SMCO3: variants seen among roughly 807,000 people sequenced by gnomAD.
SMCO3 encodes single-pass membrane protein with coiled-coil domains 3, also known as single-pass membrane and coiled-coil domain-containing protein 3.
Under a neutral mutation model 12.0 loss-of-function variants are expected in SMCO3, and 6 were observed. The ratio of observed to expected loss-of-function variants is 0.50; its 90% CI spans 0.27 to 0.99. SMCO3 has a LOEUF of 0.99. Among genes scored for constraint, SMCO3 ranks in the 50% least tolerant of loss-of-function variants. The probability of loss-of-function intolerance (pLI) is 0.11; values close to 1 mark genes in which losing one functional copy is unlikely to be tolerated. For synonymous variants in SMCO3, 96 were observed against 96.4 expected (o/e 1.00, Z 0.02); for missense variants, 279 against 265.0 (o/e 1.05, Z -0.37).
intron 1 of SMCO3, among the ~76,000 whole-genome samples, chr12:14,810,944 T>C (rs575100978): frequency 6.6e-6 from 1 of 152,358 alleles, no homozygotes; most frequent in African/African-American, 2.4e-5. Context: ...AAGTGATATT[T>C]TACAAACAAC....
rs540670046 is a variant in SMCO3, at chr12:14,805,927, G to C, written c.*76C>G. ...TCCATATTGGAAGCCTATAGAAAAT[G>C]AACCTAATCAAAGAAGCAAACACTG... On this transcript the variant is annotated 3_prime_UTR_variant, in exon 2 of 2. Coordinates refer to ENST00000316048, the MANE Select transcript of SMCO3 (RefSeq NM_001013698.2). 49 of 1,395,334 alleles carry C rather than the reference G, an allele frequency of 3.5e-5. No individual in the cohort carries two copies. The African/African-American group carries it at 6.6e-4, about 19-fold the overall frequency. 86.4% of individuals were successfully genotyped at this position (1,395,334 alleles called of 1,614,324 possible).
At chr12:14,813,309 A>G (rs1950168997) in intron 1 of SMCO3, among the ~76,000 whole-genome samples, 1 of 152,226 alleles carries the variant, frequency 6.6e-6, no homozygotes, top group Non-Finnish European at 1.5e-5. Flanking sequence ...GCCATCATGC[A>G]CAGTTTCCTT....
chr12:14,806,721 T>C lies in SMCO3; in HGVS notation c.-16-25A>G, dbSNP rs750301749. On this transcript the variant is annotated intron_variant, in intron 1 of 1. Transcript: ENST00000316048. ...GCTGAAAAATAAAATGGTAAATTTT[T>C]ACTGAAAGTCTTAAAAAATGTCTGC... 3.3e-6 allele frequency: 5 copies of C among 1,535,280 alleles called. No homozygotes were observed. In the Admixed American group the frequency reaches 1.1e-4, roughly 33 times the overall value.
In SMCO3 at chr12:14,807,778, A is replaced by G. The variant is rs76734462; in HGVS notation, c.-16-1082T>C. ...TCCATTTGCAAAGCTTATAAATTAA[A>G]TTATTTAGAATAGTCTAAATAGTAT... is the stretch of plus-strand genomic sequence containing the variant. On this transcript the variant is annotated intron_variant, in intron 1 of 1. Coordinates refer to ENST00000316048, the MANE Select transcript of SMCO3 (RefSeq NM_001013698.2). 3.3e-5 allele frequency among the ~76,000 whole-genome samples: 5 copies of G among 152,342 alleles called. No homozygotes were observed. The East Asian group carries it at 9.6e-4, about 29-fold the overall frequency.
At position 14,806,711 on chromosome 12, in the gene SMCO3, G is replaced by T. The variant is rs1338989788; in HGVS notation, c.-16-15C>A. On this transcript the variant is annotated splice_polypyrimidine_tract_variant and intron_variant, in intron 1 of 1. Coordinates refer to ENST00000316048, the MANE Select transcript of SMCO3 (RefSeq NM_001013698.2). Reference sequence around the variant, plus strand: ...CAATATGATCGCTGAAAAATAAAATGGTAAATTTTTACTGAAAGTCTTAAA... The same window carrying T: ...CAATATGATCGCTGAAAAATAAAATTGTAAATTTTTACTGAAAGTCTTAAA... 2 of 1,543,066 alleles carry T rather than the reference G, an allele frequency of 1.3e-6. No homozygotes were observed. The highest frequency in any genetic ancestry group is 2.5e-5 in the South Asian group (2 of 79,184).
intron 1 of SMCO3, among the ~76,000 whole-genome samples, chr12:14,813,040 A>G (rs992612507): frequency 1.3e-5 from 2 of 152,220 alleles, no homozygotes; most frequent in Admixed American, 1.3e-4. Context: ...ATCTGGAAAG[A>G]ATAGTGGGGT....
At chr12:14,812,993 A>C (rs980012142) in intron 1 of SMCO3, among the ~76,000 whole-genome samples, 1 of 152,198 alleles carries the variant, frequency 6.6e-6, no homozygotes, top group Non-Finnish European at 1.5e-5. Context: ...AACATTTAAG[A>C]TGAAATGAAA....
In SMCO3 at chr12:14,812,306, C is replaced by T. The variant is rs555044384; in HGVS notation, c.-17+1820G>A. Among the ~76,000 whole-genome samples the T allele has an allele frequency of 7.5e-3, 1,142 of 152,112 alleles. 16 individuals carry two copies. Among genetic ancestry groups the T allele is most frequent in the African/African-American group, 0.026 (1,064 of 41,516 alleles). On this transcript the variant is annotated intron_variant, in intron 1 of 1. Coordinates refer to ENST00000316048, the MANE Select transcript of SMCO3 (RefSeq NM_001013698.2). ...AAAAATACAAAAAATTAGCCGGGCG[C>T]GGTGGCGGGCGCCTGTAGTCCCAGC... is the stretch of plus-strand genomic sequence containing the variant.
At position 14,806,268 on chromosome 12, in the gene SMCO3, G is replaced by C. The variant is rs1283058512; in HGVS notation, c.413C>G (p.Ser138Ter). The change falls in exon 2 of 2, where the codon TCA becomes TGA. Residue 138 changes from serine to a stop codon, truncating the protein, a stop_gained. Coordinates refer to ENST00000316048, the MANE Select transcript of SMCO3 (RefSeq NM_001013698.2). LOFTEE classifies it high-confidence loss of function. ...ASAVAVKLVG[S>*]NVTTGIINKL... is the part of the protein sequence containing the mutation. Reference sequence around the variant, plus strand: ...GTTAATTATGCCAGTTGTGACATTTGAGCCCACAAGTTTAACAGCGACTGC... The same window carrying C: ...GTTAATTATGCCAGTTGTGACATTTCAGCCCACAAGTTTAACAGCGACTGC... The C allele has an allele frequency of 9.9e-6, 16 of 1,614,074 alleles. No homozygotes were observed. The highest frequency in any genetic ancestry group is 1.3e-5 in the Non-Finnish European group (15 of 1,180,042).
intron 1 of SMCO3, among the ~76,000 whole-genome samples, chr12:14,812,860 C>G (rs1287713179): frequency 6.6e-6 from 1 of 152,062 alleles, no homozygotes; most frequent in Non-Finnish European, 1.5e-5. Flanking sequence ...CACCCAGATA[C>G]TGAGCATAGT....
intron 1 of SMCO3, among the ~76,000 whole-genome samples, chr12:14,810,420 A>G (rs1012979657): frequency 3.9e-5 from 6 of 152,226 alleles, no homozygotes; most frequent in Non-Finnish European, 8.8e-5. Flanking sequence ...TTAACAATTC[A>G]TCTAATAGGT....
chr12:14,806,621 A>T lies in SMCO3; in HGVS notation c.60T>A (p.Arg20=). ...ENPKRREEVN[R]LHQQLLDCLS... ...AGCAATCAAGAAGCTGCTGGTGAAG[A>T]CGATTTACTTCTTCCCGCCTTTTTG... is the stretch of plus-strand genomic sequence containing the variant. Residue 20 remains arginine (R), a synonymous_variant, in exon 2 of 2, where the codon CGT becomes CGA. Transcript: ENST00000316048. 6.2e-7 allele frequency: 1 copy of T among 1,613,528 alleles called. No individual in the cohort carries two copies. Among genetic ancestry groups the T allele is most frequent in the Non-Finnish European group, 8.5e-7 (1 of 1,179,882 alleles).
rs57839882 is a variant in SMCO3 at position 14,805,952 on chromosome 12, G to A, written c.*51C>T. ...GAACCTAATCAAAGAAGCAAACACT[G>A]TTACTGAAAAGGAAGCAGAAAAACA... is the stretch of plus-strand genomic sequence containing the variant. On this transcript the variant is annotated 3_prime_UTR_variant, in exon 2 of 2. Transcript: ENST00000316048. 1 of 1,510,186 alleles carries A rather than the reference G, an allele frequency of 6.6e-7. No homozygotes were observed. Among genetic ancestry groups the A allele is most frequent in the South Asian group, 1.3e-5 (1 of 77,220 alleles). 93.5% of individuals were successfully genotyped at this position (1,510,186 alleles called of 1,614,324 possible).
intron 1 of SMCO3, among the ~76,000 whole-genome samples, chr12:14,812,045 C>T (rs569281623): frequency 2.6e-5 from 4 of 152,126 alleles, no homozygotes; most frequent in Non-Finnish European, 5.9e-5. Flanking sequence ...TTTTGTTATT[C>T]TTTTTCAAAA....
chr12:14,808,972 T>G (rs1005095227), intron 1 of SMCO3, among the ~76,000 whole-genome samples: 2 of 152,234 alleles, frequency 1.3e-5, no homozygotes, highest in African/African-American at 4.8e-5. Context: ...ATTTTCTTTT[T>G]TCTTCTAGTA....
At chr12:14,809,362 T>G (rs1950102234) in intron 1 of SMCO3, among the ~76,000 whole-genome samples, 1 of 151,938 alleles carries the variant, frequency 6.6e-6, no homozygotes, top group Admixed American at 6.6e-5. Flanking sequence ...GTGAGCCTTA[T>G]TTTTTTTCAG....
intron 1 of SMCO3, among the ~76,000 whole-genome samples, chr12:14,808,502 T>C (rs1262934755): frequency 6.6e-6 from 1 of 152,232 alleles, no homozygotes; most frequent in Non-Finnish European, 1.5e-5. Flanking sequence ...GTATGTCTTC[T>C]AGCACTACGG....
chr12:14,813,298 T>A (rs1468410473), intron 1 of SMCO3, among the ~76,000 whole-genome samples: 1 of 152,264 alleles, frequency 6.6e-6, no homozygotes, highest in African/African-American at 2.4e-5. Context: ...AACAGGGTTT[T>A]GCCATCATGC....
Position 14,811,929 on chromosome 12 carries a change from C to T in SMCO3, c.-17+2197G>A, listed in dbSNP as rs143936739. Among the ~76,000 whole-genome samples, 176 of 152,204 alleles carry T rather than the reference C, an allele frequency of 1.2e-3. 1 individual carries two copies. The highest frequency in any genetic ancestry group is 2.3e-3 in the South Asian group (11 of 4,826). On this transcript the variant is annotated intron_variant, in intron 1 of 1. Coordinates refer to ENST00000316048, the MANE Select transcript of SMCO3 (RefSeq NM_001013698.2). ...ACATTATGGAGAAATTAAAAGTGAA[C>T]GGTTTGGTAAAACGATTTTTAAATA...
Sources: allele counts gnomAD v4.1 joint callset (sites outside exome capture counted in the v4.1 genomes callset), GRCh38; gene constraint gnomAD v4.1.1; transcripts MANE v1.5; gene names NCBI Gene and HGNC (gene_info 2026-07-23, HGNC 2026-07-21).